The following CAST variants were observed in gnomAD, a reference collection of about 807,000 sequenced individuals.
CAST encodes calpastatin, also known as MIR583 host.
CAST carries 76 observed loss-of-function variants against 119.6 expected under a neutral mutation model. That is an observed-to-expected ratio of 0.64 (90% confidence interval 0.53 to 0.77). CAST has a LOEUF of 0.77. CAST is among the 30% of genes least tolerant of loss of function. The pLI, the probability that CAST is intolerant of heterozygous loss-of-function variation, is 0.00. For synonymous variants in CAST, 319 were observed against 331.6 expected (o/e 0.96, Z 0.41); for missense variants, 953 against 946.5 (o/e 1.01, Z -0.09).
At chr5:96,601,674 T>C (rs956027389) in intron 1 of CAST, among the ~76,000 whole-genome samples, 7 of 152,180 alleles carry the variant, frequency 4.6e-5, no homozygotes, top group African/African-American at 1.7e-4. Flanking sequence ...CTCGATTGGT[T>C]TTTTAATGTT....
the CAST span, among the ~76,000 whole-genome samples, chr5:96,051,972 A>G: frequency 6.6e-5 from 10 of 152,284 alleles, no homozygotes; most frequent in South Asian, 1.9e-3. Flanking sequence ...CCAAAACAAG[A>G]GAAGGAACAA....
At chr5:96,227,849 A>C in the CAST span, among the ~76,000 whole-genome samples, 1 of 152,256 alleles carries the variant, frequency 6.6e-6, no homozygotes, top group East Asian at 1.9e-4. Context: ...CTTGTGTATC[A>C]GACAAGGGGT....
At chr5:96,567,860 A>C (rs961148017) in intron 1 of CAST, among the ~76,000 whole-genome samples, 1 of 152,166 alleles carries the variant, frequency 6.6e-6, no homozygotes, top group Non-Finnish European at 1.5e-5. Flanking sequence ...GGTAGTTCAG[A>C]ACCAGACAAT....
At chr5:96,182,784 A>C in the CAST span, among the ~76,000 whole-genome samples, 1 of 152,030 alleles carries the variant, frequency 6.6e-6, no homozygotes, top group East Asian at 1.9e-4. Flanking sequence ...TAATTTTTTT[A>C]TTTTTTACTT....
At chr5:96,390,186 A>G in the CAST span, among the ~76,000 whole-genome samples, 3 of 152,220 alleles carry the variant, frequency 2.0e-5, no homozygotes, top group African/African-American at 7.2e-5. Context: ...CTAGAGAGGA[A>G]AATAAAACAT....
the CAST span, among the ~76,000 whole-genome samples, chr5:96,405,507 A>T: frequency 1.3e-5 from 2 of 152,140 alleles, no homozygotes; most frequent in African/African-American, 4.8e-5. Context: ...CTACATAGAA[A>T]AAAGAAGGAT....
At chr5:96,422,832 A>G in the CAST span, among the ~76,000 whole-genome samples, 1 of 152,210 alleles carries the variant, frequency 6.6e-6, no homozygotes, top group African/African-American at 2.4e-5. Flanking sequence ...ATTTCTAGAA[A>G]ACTTTTCCTT....
the CAST span, among the ~76,000 whole-genome samples, chr5:95,974,656 T>G: frequency 6.6e-6 from 1 of 152,222 alleles, no homozygotes; most frequent in Non-Finnish European, 1.5e-5. Flanking sequence ...TCACATATCT[T>G]GAGGGGATGG....
At chr5:95,993,689 A>C in the CAST span, among the ~76,000 whole-genome samples, 7 of 152,220 alleles carry the variant, frequency 4.6e-5, no homozygotes, top group African/African-American at 1.7e-4. Flanking sequence ...TAAGAAAATG[A>C]AAAGGCAAGC....
At chr5:96,140,625 ATTTC>A in the CAST span, among the ~76,000 whole-genome samples, 1 of 152,170 alleles carries the variant, frequency 6.6e-6, no homozygotes, top group African/African-American at 2.4e-5. Flanking sequence ...CAATCTTCAA[ATTTC>A]TTACTTATAA....
the CAST span, among the ~76,000 whole-genome samples, chr5:96,362,504 T>A: frequency 1.3e-5 from 2 of 152,218 alleles, no homozygotes; most frequent in Non-Finnish European, 2.9e-5. Flanking sequence ...TGTTGTTTCC[T>A]GACTTTTGAA....
the CAST span, among the ~76,000 whole-genome samples, chr5:96,044,836 T>C: frequency 7.9e-5 from 12 of 152,302 alleles, no homozygotes; most frequent in African/African-American, 2.9e-4. Flanking sequence ...GACTGTTGTG[T>C]GCTACACAGA....
intron 1 of CAST, among the ~76,000 whole-genome samples, chr5:96,668,150 GCACA>G (rs10534655): frequency 2.3e-4 from 34 of 149,522 alleles, no homozygotes; most frequent in Non-Finnish European, 3.1e-4. Flanking sequence ...AGACACGCGT[GCACA>G]CACACACACA....
chr5:96,363,164 T>A, the CAST span, among the ~76,000 whole-genome samples: 1 of 149,778 alleles, frequency 6.7e-6, no homozygotes, highest in Non-Finnish European at 1.5e-5. Flanking sequence ...GTATTATTTC[T>A]GAGGGCTCTG....
the CAST span, among the ~76,000 whole-genome samples, chr5:96,488,395 T>C: frequency 8.7e-4 from 132 of 152,310 alleles, 1 homozygote; most frequent in East Asian, 0.024. Flanking sequence ...ATTTGCAAAA[T>C]ATACATTGAT....
intron 3 of CAST, among the ~76,000 whole-genome samples, chr5:96,701,805 C>CAAAAAAA (rs1259689905): frequency 2.7e-4 from 34 of 123,666 alleles, no homozygotes; most frequent in African/African-American, 1.1e-3. Flanking sequence ...AATCCCACCT[C>CAAAAAAA]AAAAAAAAAA....
the CAST span, among the ~76,000 whole-genome samples, chr5:96,444,396 T>C: frequency 3.1e-4 from 47 of 152,356 alleles, no homozygotes; most frequent in African/African-American, 1.1e-3. Flanking sequence ...TTTTGATGTT[T>C]AAAGAACTGT....
intron 2 of CAST, among the ~76,000 whole-genome samples, chr5:96,681,732 CAAAA>C (rs70981836): frequency 1.1e-5 from 1 of 89,454 alleles, no homozygotes. Flanking sequence ...GACTCCGTCT[CAAAA>C]AAAAAAAAAA....
At chr5:96,724,954 C>T (rs1581137412) in intron 4 of CAST, among the ~76,000 whole-genome samples, 1 of 152,104 alleles carries the variant, frequency 6.6e-6, no homozygotes, top group Admixed American at 6.6e-5. Context: ...CTTTTTCATC[C>T]TGTTGCCTGA....
Sources: gnomAD v4.1 joint callset for allele counts (sites outside exome capture counted in the v4.1 genomes callset) on GRCh38, gnomAD v4.1.1 for gene constraint, MANE v1.5 for transcripts, NCBI Gene and HGNC (gene_info 2026-07-23, HGNC 2026-07-21) for gene names.